The following KCNC2 variants were observed in gnomAD, a reference collection of about 807,000 sequenced individuals.
KCNC2 encodes potassium voltage-gated channel subfamily C member 2, also known as voltage-gated potassium channel KCNC2.
A neutral mutation model predicts 44.5 loss-of-function variants in KCNC2; 21 were observed. That is an observed-to-expected ratio of 0.47 (90% CI 0.33 to 0.68). The LOEUF (loss-of-function observed/expected upper bound fraction) is 0.68, where lower values mean the gene tolerates loss of function less well. Among genes scored for constraint, KCNC2 ranks in the 30% least tolerant of loss-of-function variants. The pLI, the probability that KCNC2 is intolerant of heterozygous loss-of-function variation, is 0.01. For synonymous variants in KCNC2, 391 were observed against 339.1 expected (o/e 1.15, Z -1.68); for missense variants, 589 against 826.2 (o/e 0.71, Z 3.52).
At chr12:75,072,213 T>G (rs1354754554) in intron 2 of KCNC2, among the ~76,000 whole-genome samples, 3 of 152,198 alleles carry the variant, frequency 2.0e-5, no homozygotes, top group Non-Finnish European at 4.4e-5. Context: ...TAGCTGTTAC[T>G]AAACGGCTAA....
intron 2 of KCNC2, among the ~76,000 whole-genome samples, chr12:75,158,653 A>T (rs982348366): frequency 6.6e-6 from 1 of 151,886 alleles, no homozygotes; most frequent in Admixed American, 6.6e-5. Flanking sequence ...AAAGGAGGAA[A>T]CCATAACAAG....
At position 75,184,842 on chromosome 12, in the gene KCNC2, CCA is replaced by C. The variant is rs1892825247; in HGVS notation, c.687+22453_687+22454del. 3.3e-5 allele frequency among the ~76,000 whole-genome samples: 5 copies of C among 152,196 alleles called. No homozygotes were observed. In the South Asian group the frequency reaches 1.0e-3, roughly 32 times the overall value. ...CCTGCTTGTGAAATGATCTGTGAAT[CCA>C]CAGAGATAGAACAAAGATTAAATAA... On this transcript the variant is annotated intron_variant, in intron 2 of 4. Coordinates refer to ENST00000549446, the MANE Select transcript of KCNC2 (RefSeq NM_139137.4).
chr12:75,080,299 G>T (rs1266740042), intron 2 of KCNC2, among the ~76,000 whole-genome samples: 1 of 148,012 alleles, frequency 6.8e-6, no homozygotes, highest in Non-Finnish European at 1.5e-5. Flanking sequence ...TTTACATCAA[G>T]TTTGAGGATT....
intron 2 of KCNC2, among the ~76,000 whole-genome samples, chr12:75,095,444 G>A (rs1592858103): frequency 6.6e-6 from 1 of 151,756 alleles, no homozygotes; most frequent in East Asian, 1.9e-4. Context: ...TGCCTTCCCT[G>A]TTTCTAGTCA....
chr12:75,172,358 GACTA>G (rs1891887349), intron 2 of KCNC2, among the ~76,000 whole-genome samples: 1 of 151,876 alleles, frequency 6.6e-6, no homozygotes, highest in Admixed American at 6.6e-5. Context: ...GCATCAGGAA[GACTA>G]ACTAATGGAT....
chr12:75,067,965 G>A (rs1883006907), intron 2 of KCNC2, among the ~76,000 whole-genome samples: 1 of 151,960 alleles, frequency 6.6e-6, no homozygotes, highest in Admixed American at 6.6e-5. Context: ...AGTAAACTGC[G>A]TTTTTTGGAA....
chr12:75,104,159 G>A (rs760532900), intron 2 of KCNC2, among the ~76,000 whole-genome samples: 15 of 152,096 alleles, frequency 9.9e-5, no homozygotes, highest in South Asian at 2.1e-4. Context: ...CTGATGATGC[G>A]TCAGAAGGAG....
intron 2 of KCNC2, among the ~76,000 whole-genome samples, chr12:75,171,996 T>C (rs1460290089): frequency 2.6e-5 from 4 of 151,766 alleles, no homozygotes; most frequent in Non-Finnish European, 4.4e-5. Context: ...ACTGCACATA[T>C]ACCCCTGAAC....
At chr12:75,096,072 C>T (rs1885895242) in intron 2 of KCNC2, among the ~76,000 whole-genome samples, 1 of 151,946 alleles carries the variant, frequency 6.6e-6, no homozygotes, top group South Asian at 2.1e-4. Context: ...TGTCACAGGT[C>T]ATTTACAGCT....
intron 2 of KCNC2, among the ~76,000 whole-genome samples, chr12:75,157,105 A>G (rs1020566846): frequency 3.3e-5 from 5 of 151,934 alleles, no homozygotes; most frequent in African/African-American, 1.2e-4. Context: ...ACAGAACATC[A>G]GTTTTGTTAG....
Position 75,041,844 on chromosome 12 carries a change from A to C in KCNC2, c.*1261T>G, listed in dbSNP as rs571721377. 9.1e-6 allele frequency: 9 copies of C among 988,118 alleles called. No homozygotes were observed. In the South Asian group the frequency reaches 4.2e-4, roughly 46 times the overall value. 61.2% of individuals were successfully genotyped at this position (988,118 alleles called of 1,614,324 possible). A position where few individuals can be genotyped will look rare whatever the true frequency, so the allele number is the denominator to read the frequency against. ...ACACAAAGCAGAGAGGCTGCTCCAA[A>C]TAGCAAAAAATGGTATGGAGTCGGG... On this transcript the variant is annotated 3_prime_UTR_variant, in exon 5 of 5. Coordinates refer to ENST00000549446, the MANE Select transcript of KCNC2 (RefSeq NM_139137.4).
intron 2 of KCNC2, among the ~76,000 whole-genome samples, chr12:75,076,482 C>T (rs1883992409): frequency 6.6e-6 from 1 of 152,136 alleles, no homozygotes; most frequent in Admixed American, 6.5e-5. Context: ...CCATGTTAGC[C>T]AGGATGGTCT....
intron 2 of KCNC2, among the ~76,000 whole-genome samples, chr12:75,160,951 T>C (rs1431598316): frequency 6.6e-6 from 1 of 151,780 alleles, no homozygotes; most frequent in African/African-American, 2.4e-5. Context: ...ATTGAAAAGA[T>C]TATGTGTTTT....
chr12:75,102,973 G>A (rs1453718794), intron 2 of KCNC2, among the ~76,000 whole-genome samples: 1 of 152,052 alleles, frequency 6.6e-6, no homozygotes, highest in African/African-American at 2.4e-5. Context: ...TTTCCTCAGA[G>A]CAGGTTTTCA....
At position 75,059,927 on chromosome 12, in the gene KCNC2, C is replaced by T. The variant is rs533746182; in HGVS notation, c.688-8610G>A. Among the ~76,000 whole-genome samples, 5 of 152,230 alleles carry T rather than the reference C, an allele frequency of 3.3e-5. No individual in the cohort carries two copies. In the South Asian group the frequency reaches 1.0e-3, roughly 32 times the overall value. On this transcript the variant is annotated intron_variant, in intron 2 of 4. Transcript: ENST00000549446. ...AATCTCATCTACTTCCATGAATCCA[C>T]CTGCCACCACAGCATCAATGATAAC...
intron 2 of KCNC2, among the ~76,000 whole-genome samples, chr12:75,131,851 C>T (rs1565879830): frequency 1.3e-5 from 2 of 152,128 alleles, no homozygotes; most frequent in South Asian, 4.1e-4. Context: ...AGGTGACACT[C>T]TGATTTCAGC....
chr12:75,205,857 C>A (rs1439770029), intron 2 of KCNC2, among the ~76,000 whole-genome samples: 1 of 125,946 alleles, frequency 7.9e-6, no homozygotes, highest in Admixed American at 8.2e-5. Flanking sequence ...TTTTTTTTTC[C>A]TGAATGCCAA....
At position 75,162,421 on chromosome 12, in the gene KCNC2, T is replaced by C. The variant is rs372250354; in HGVS notation, c.687+44876A>G. Among the ~76,000 whole-genome samples, 23 of 151,852 alleles carry C rather than the reference T, an allele frequency of 1.5e-4. 1 individual carries two copies. Among genetic ancestry groups the C allele is most frequent in the African/African-American group, 5.3e-4 (22 of 41,496 alleles). On this transcript the variant is annotated intron_variant, in intron 2 of 4. Transcript: ENST00000549446. ...CATACTGAGTCATCAGCTCAGGGTC[T>C]CCTCAGGTTTGTGGGACTCTTTGCC...
intron 4 of KCNC2, among the ~76,000 whole-genome samples, chr12:75,046,550 A>ATTTTTT (rs1310869433): frequency 6.6e-6 from 1 of 151,778 alleles, no homozygotes; most frequent in Non-Finnish European, 1.5e-5. Flanking sequence ...GCATATAGTG[A>ATTTTTT]TTTAAGATAT....
Sources: allele counts gnomAD v4.1 joint callset (sites outside exome capture counted in the v4.1 genomes callset), GRCh38; gene constraint gnomAD v4.1.1; transcripts MANE v1.5; gene names NCBI Gene and HGNC (gene_info 2026-07-23, HGNC 2026-07-21).